Variants in ARHGAP15 observed in about 807,000 individuals in gnomAD.
ARHGAP15 encodes the protein Rho GTPase activating protein 15.
A neutral mutation model predicts 63.7 loss-of-function variants in ARHGAP15; 51 were observed. That is an observed-to-expected ratio of 0.80 (90% CI 0.64 to 1.01). The LOEUF (loss-of-function observed/expected upper bound fraction) is 1.01, where lower values mean the gene tolerates loss of function less well. Among genes scored for constraint, ARHGAP15 ranks in the 50% least tolerant of loss-of-function variants. The pLI, the probability that ARHGAP15 is intolerant of heterozygous loss-of-function variation, is 0.00. For missense variants in ARHGAP15, 560 were observed against 564.6 expected (o/e 0.99, Z 0.08); for synonymous variants, 191 against 193.8 (o/e 0.99, Z 0.12).
At chr2:143,585,204 G>T (rs1697064810) in intron 11 of ARHGAP15, among the ~76,000 whole-genome samples, 1 of 152,082 alleles carries the variant, frequency 6.6e-6, no homozygotes, top group Non-Finnish European at 1.5e-5. Context: ...TGACTGAGTA[G>T]AGAGTTATAA....
intron 6 of ARHGAP15, among the ~76,000 whole-genome samples, chr2:143,304,544 G>A (rs1339903775): frequency 6.6e-6 from 1 of 152,024 alleles, no homozygotes; most frequent in Non-Finnish European, 1.5e-5. Flanking sequence ...CATGCCACAT[G>A]TATACATATG....
intron 11 of ARHGAP15, among the ~76,000 whole-genome samples, chr2:143,618,930 T>A (rs1051058651): frequency 6.6e-6 from 1 of 151,932 alleles, no homozygotes; most frequent in African/African-American, 2.4e-5. Context: ...TACCTCCCAA[T>A]TCTCCTGCCT....
At chr2:143,591,945 T>A (rs1697338860) in intron 11 of ARHGAP15, among the ~76,000 whole-genome samples, 1 of 151,822 alleles carries the variant, frequency 6.6e-6, no homozygotes, top group South Asian at 2.1e-4. Flanking sequence ...TAACTCTATT[T>A]TGAGAAGGAT....
chr2:143,536,901 G>A (rs953438017), intron 10 of ARHGAP15, among the ~76,000 whole-genome samples: 2 of 152,138 alleles, frequency 1.3e-5, no homozygotes, highest in African/African-American at 2.4e-5. Flanking sequence ...TAATGAGATG[G>A]CTGGGTCAAA....
At chr2:143,235,135 G>A (rs908830949) in intron 5 of ARHGAP15, among the ~76,000 whole-genome samples, 3 of 151,882 alleles carry the variant, frequency 2.0e-5, no homozygotes, top group Non-Finnish European at 4.4e-5. Flanking sequence ...CAGCTTGCTC[G>A]TTAGGGCTAC....
intron 13 of ARHGAP15, among the ~76,000 whole-genome samples, chr2:143,746,606 C>T (rs1396457690): frequency 6.6e-6 from 1 of 152,096 alleles, no homozygotes; most frequent in South Asian, 2.1e-4. Context: ...TACTGAATGC[C>T]CTAACTTTTT....
At chr2:143,463,157 A>G (rs1691034253) in intron 8 of ARHGAP15, among the ~76,000 whole-genome samples, 1 of 152,126 alleles carries the variant, frequency 6.6e-6, no homozygotes, top group Non-Finnish European at 1.5e-5. Flanking sequence ...TTCTTCTTCC[A>G]GTGTGGCCCA....
At chr2:143,684,539 C>T (rs1305249975) in intron 12 of ARHGAP15, among the ~76,000 whole-genome samples, 1 of 152,002 alleles carries the variant, frequency 6.6e-6, no homozygotes, top group Non-Finnish European at 1.5e-5. Flanking sequence ...CACAGCAATA[C>T]AATGTCACAG....
At chr2:143,705,459 A>G (rs944708662) in intron 13 of ARHGAP15, among the ~76,000 whole-genome samples, 2 of 152,172 alleles carry the variant, frequency 1.3e-5, no homozygotes, top group African/African-American at 4.8e-5. Context: ...ACTATCAACC[A>G]TATCTTGTGG....
intron 6 of ARHGAP15, among the ~76,000 whole-genome samples, chr2:143,373,672 C>T (rs1163562884): frequency 7.2e-6 from 1 of 139,764 alleles, no homozygotes; most frequent in African/African-American, 2.6e-5. Flanking sequence ...ACAGAAATGT[C>T]TCAAGCAATA....
intron 1 of ARHGAP15, among the ~76,000 whole-genome samples, chr2:143,140,436 T>G (rs1319621765): frequency 2.0e-5 from 3 of 152,018 alleles, no homozygotes; most frequent in Admixed American, 2.0e-4. Context: ...ATGCCTGAAA[T>G]TAAAATGAAG....
At chr2:143,221,640 G>A (rs939474428) in intron 4 of ARHGAP15, among the ~76,000 whole-genome samples, 1 of 152,146 alleles carries the variant, frequency 6.6e-6, no homozygotes, top group Non-Finnish European at 1.5e-5. Context: ...AAATACACCT[G>A]ACAGTATGTT....
At chr2:143,587,683 C>G (rs1437757453) in intron 11 of ARHGAP15, 1 of 468,246 alleles carries the variant, frequency 2.1e-6, no homozygotes. Flanking sequence ...CTGTCTTTCA[C>G]AGTCGTTTCT....
chr2:143,680,653 A>G (rs1403967632), intron 12 of ARHGAP15, among the ~76,000 whole-genome samples: 11 of 152,206 alleles, frequency 7.2e-5, no homozygotes, highest in Admixed American at 5.9e-4. Context: ...AAAACAGCTG[A>G]AAAAGAGAAG....
intron 6 of ARHGAP15, among the ~76,000 whole-genome samples, chr2:143,368,182 A>T (rs1686379774): frequency 6.6e-6 from 1 of 152,128 alleles, no homozygotes. Flanking sequence ...GCAAATAAAA[A>T]TGTACCAAAT....
chr2:143,503,084 C>T (rs1693144773), intron 9 of ARHGAP15, among the ~76,000 whole-genome samples: 1 of 152,184 alleles, frequency 6.6e-6, no homozygotes, highest in African/African-American at 2.4e-5. Context: ...AAAGCGTTAG[C>T]CTTTTGGCTC....
intron 13 of ARHGAP15, among the ~76,000 whole-genome samples, chr2:143,707,963 T>C (rs1020797191): frequency 4.6e-5 from 7 of 152,202 alleles, no homozygotes; most frequent in Non-Finnish European, 7.3e-5. Context: ...CTTTGAGTTG[T>C]TGGATTGTGA....
chr2:143,651,748 A>G (rs968790856), intron 12 of ARHGAP15, among the ~76,000 whole-genome samples: 1 of 151,980 alleles, frequency 6.6e-6, no homozygotes, highest in African/African-American at 2.4e-5. Flanking sequence ...AGTTAATTGT[A>G]GCCATTTAAG....
intron 6 of ARHGAP15, among the ~76,000 whole-genome samples, chr2:143,288,631 T>C (rs552340848): frequency 6.6e-6 from 1 of 152,174 alleles, no homozygotes; most frequent in East Asian, 1.9e-4. Context: ...ACTTTTTTTT[T>C]TTTTGTCTGC....
Sources: gnomAD v4.1 joint callset for allele counts (sites outside exome capture counted in the v4.1 genomes callset) on GRCh38, gnomAD v4.1.1 for gene constraint, MANE v1.5 for transcripts, NCBI Gene and HGNC (gene_info 2026-07-23, HGNC 2026-07-21) for gene names.